CETP: variants seen among roughly 807,000 people sequenced by gnomAD.
CETP encodes cholesteryl ester transfer protein, also known as BPI fold containing family F.
In CETP, 56 loss-of-function variants were observed where a neutral mutation model predicts 66.5. The ratio of observed to expected loss-of-function variants is 0.84; its 90% CI spans 0.68 to 1.05. CETP has a LOEUF of 1.05. Among genes scored for constraint, CETP ranks in the 50% least tolerant of loss-of-function variants. CETP has a pLI of 0.00. For synonymous variants in CETP, 251 were observed against 245.7 expected, an observed-to-expected ratio of 1.02 and a Z score of -0.20; for missense variants, 612 against 609.6, an observed-to-expected ratio of 1.00 and a Z score of -0.04.
Position 56,983,354 on chromosome 16 carries a change from G to A in CETP, c.1350G>A (p.Met450Ile), listed in dbSNP as rs201243948. ...SRLEVVFTAL[M>I]NSKGVSLFDI... The stretch of plus-strand genomic sequence containing the variant: ...TCGAGGTAGTGTTTACAGCCCTCAT[G>A]AACAGCAAAGGCGTGAGCCTCTTCG... The change falls in exon 15 of 16, where the codon ATG becomes ATA. Residue 450 changes from methionine to isoleucine, a missense_variant. Met to Ile is a conservative substitution (Grantham distance 10, BLOSUM62 1). Transcript: ENST00000200676. The A allele has an allele frequency of 3.1e-5, 50 of 1,614,246 alleles. No homozygotes were observed. Among genetic ancestry groups the A allele is most frequent in the Non-Finnish European group, 4.2e-5 (49 of 1,180,048 alleles).
Position 56,983,750 on chromosome 16 carries a change from G to T in CETP, c.*84G>T, listed in dbSNP as rs1801706. 1 of 1,304,784 alleles carries T rather than the reference G, an allele frequency of 7.7e-7. No individual in the cohort carries two copies. Among genetic ancestry groups the T allele is most frequent in the Non-Finnish European group, 1.1e-6 (1 of 899,146 alleles). The allele number at this position is 1,304,784 out of a possible 1,614,324, so 80.8% of individuals were successfully genotyped here. On this transcript the variant is annotated 3_prime_UTR_variant, in exon 16 of 16. Transcript: ENST00000200676. ...CTGGAACCCTGGTGTCTCCTCCAGC[G>T]TGGTGGAAGTTGGGTTAGGAGTACG...
At position 56,969,607 on chromosome 16, in the gene CETP, C is replaced by A. The variant is rs746810477; in HGVS notation, c.369-4C>A. The A allele has an allele frequency of 4.3e-6, 7 of 1,614,094 alleles. No individual in the cohort carries two copies. Among genetic ancestry groups the A allele is most frequent in the Non-Finnish European group, 5.9e-6 (7 of 1,180,042 alleles). ...GAGGGTCCTGGGTCCTTGGCTCTTTCCAGGCTGGGTATTGATCAGTCCATT... is the reference window on the plus strand; with the variant it reads ...GAGGGTCCTGGGTCCTTGGCTCTTTACAGGCTGGGTATTGATCAGTCCATT... On this transcript the variant is annotated splice_region_variant and splice_polypyrimidine_tract_variant and intron_variant, in intron 3 of 15. Coordinates refer to ENST00000200676, the MANE Select transcript of CETP (RefSeq NM_000078.3).
rs5742907 is a variant in CETP at position 56,982,238 on chromosome 16, G to A, written c.1321+1G>A. ...GTGGGCATCCCTGAGGTCATGTCTC[G>A]TAAGTGTGGGCTGGAGGGGAAACTG... On this transcript the variant is annotated splice_donor_variant, in intron 14 of 15. Coordinates refer to ENST00000200676, the MANE Select transcript of CETP (RefSeq NM_000078.3). LOFTEE classifies it high-confidence loss of function. 1.0e-4 allele frequency: 164 copies of A among 1,614,016 alleles called. 1 individual carries two copies. In the East Asian group the frequency reaches 2.7e-3, roughly 27 times the overall value.
intron 8 of CETP, among the ~76,000 whole-genome samples, chr16:56,973,072 T>C (rs1280319419): frequency 6.6e-6 from 1 of 152,204 alleles, no homozygotes; most frequent in Non-Finnish European, 1.5e-5. Flanking sequence ...ACTAATGTCG[T>C]TACTTGAATA....
chr16:56,977,940 ACAGCCTGG>A, intron 10 of CETP, 143 bp from the exon 11 acceptor site: 1 of 830,602 alleles, frequency 1.2e-6, no homozygotes, highest in Non-Finnish European at 1.8e-6. Flanking sequence ...CCTAATTTGC[ACAGCCTGG>A]GGCCTGGGCA....
chr16:56,965,270 A>G (rs2056057961), intron 2 of CETP, among the ~76,000 whole-genome samples: 1 of 150,690 alleles, frequency 6.6e-6, no homozygotes, highest in South Asian at 2.1e-4. Context: ...TCCCAAACGT[A>G]TATGAGTGGG....
At chr16:56,981,359 G>A (rs2056186173) in intron 12 of CETP, 134 bp downstream of exon 12, 2 of 830,700 alleles carry the variant, frequency 2.4e-6, no homozygotes, top group Non-Finnish European at 4.2e-6. Flanking sequence ...CTGACTGCAG[G>A]GAGATAAGAC....
chr16:56,976,193 G>C (rs1597003926), intron 10 of CETP, among the ~76,000 whole-genome samples: 3 of 152,242 alleles, frequency 2.0e-5, no homozygotes, highest in African/African-American at 7.2e-5. Flanking sequence ...GGACCCATCT[G>C]TAGCTCCCGG....
intron 6 of CETP, 94 bp downstream of exon 6, chr16:56,971,196 C>G: frequency 6.7e-7 from 1 of 1,488,160 alleles, no homozygotes; most frequent in Non-Finnish European, 9.4e-7. Context: ...GGTGCCACTC[C>G]CACCTTCTCC....
At position 56,983,615 on chromosome 16, in the gene CETP, C is replaced by G. The variant is rs745717616; in HGVS notation, c.1431C>G (p.Asp477Glu). ...AGGGCTTCCTGCTGCTGCAGATGGA[C>G]TTTGGCTTCCCTGAGCACCTGCTGG... ...TRDGFLLLQM[D>E]FGFPEHLLVD... The change falls in exon 16 of 16, where the codon GAC becomes GAG. Residue 477 changes from aspartate to glutamate, a missense_variant. By Grantham distance (45) the Asp-to-Glu change is conservative. Transcript: ENST00000200676. 6.2e-7 allele frequency: 1 copy of G among 1,614,168 alleles called. No individual in the cohort carries two copies. The highest frequency in any genetic ancestry group is 2.2e-5 in the East Asian group (1 of 44,872).
chr16:56,974,946 A>G (rs1190718795), intron 9 of CETP, among the ~76,000 whole-genome samples, 155 bp from the exon 10 acceptor site: 1 of 152,198 alleles, frequency 6.6e-6, no homozygotes, highest in African/African-American at 2.4e-5. Flanking sequence ...CCTGTTCCAC[A>G]CCCTGCCCAG....
intron 2 of CETP, among the ~76,000 whole-genome samples, chr16:56,965,681 C>T (rs1159965669): frequency 6.6e-6 from 1 of 152,156 alleles, no homozygotes; most frequent in East Asian, 1.9e-4. Flanking sequence ...GTGTTTGGTA[C>T]GTGATGGCCG....
chr16:56,979,713 G>A (rs1484253599), intron 11 of CETP, among the ~76,000 whole-genome samples: 1 of 152,036 alleles, frequency 6.6e-6, no homozygotes, highest in African/African-American at 2.4e-5. Flanking sequence ...CACCAGGTTG[G>A]CCAGGCCAGT....
rs1242162410 is a variant in CETP, at chr16:56,969,933, G to A, written c.459G>A (p.Val153=). ...NTQLTCDSGR[V]RTDAPDCYLS... ...CTGCAGCCTGTGACTCTGGTAGAGT[G>A]CGGACCGATGCCCCTGACTGCTACC... is the stretch of plus-strand genomic sequence containing the variant. The change falls in exon 5 of 16, where the codon GTG becomes GTA. Residue 153 remains valine (V), a synonymous_variant. Coordinates refer to ENST00000200676, the MANE Select transcript of CETP (RefSeq NM_000078.3). 3.7e-6 allele frequency: 6 copies of A among 1,614,046 alleles called. No homozygotes were observed. Among genetic ancestry groups the A allele is most frequent in the Non-Finnish European group, 5.1e-6 (6 of 1,180,018 alleles).
chr16:56,978,386 T>C (rs1445837470), intron 11 of CETP, 131 bp downstream of exon 11: 14 of 1,046,276 alleles, frequency 1.3e-5, no homozygotes, highest in Non-Finnish European at 2.1e-5. Context: ...GGTTGTCTCT[T>C]GCACATGGCT....
intron 5 of CETP, 85 bp downstream of exon 5, chr16:56,970,086 A>C: frequency 2.3e-6 from 3 of 1,325,694 alleles, no homozygotes; most frequent in Non-Finnish European, 3.2e-6. Flanking sequence ...TCAACCCCAC[A>C]CAGGGCATGC....
chr16:56,983,523 C>T, intron 15 of CETP, 69 bp from the exon 16 acceptor site: 1 of 1,596,196 alleles, frequency 6.3e-7, no homozygotes, highest in Non-Finnish European at 8.6e-7. Context: ...CCTCTACCAG[C>T]TTGGCTCCCT....
intron 2 of CETP, among the ~76,000 whole-genome samples, chr16:56,964,598 C>T (rs1355494165): frequency 6.6e-6 from 1 of 152,174 alleles, no homozygotes; most frequent in East Asian, 1.9e-4. Context: ...TGTCTTAAAG[C>T]CAATCTCCTC....
intron 10 of CETP, among the ~76,000 whole-genome samples, chr16:56,975,803 C>T (rs957345635): frequency 3.3e-5 from 5 of 152,070 alleles, no homozygotes; most frequent in African/African-American, 1.2e-4. Flanking sequence ...CCAGCTGCCC[C>T]CTCCTGTCTA....
Sources: gnomAD v4.1 joint callset for allele counts (sites outside exome capture counted in the v4.1 genomes callset) on GRCh38, gnomAD v4.1.1 for gene constraint, MANE v1.5 for transcripts, NCBI Gene and HGNC (gene_info 2026-07-23, HGNC 2026-07-21) for gene names.